Variants in DTWD2 observed in about 807,000 individuals in gnomAD.
DTWD2 encodes the protein tRNA-uridine aminocarboxypropyltransferase 2.
Under a neutral mutation model 31.8 loss-of-function variants are expected in DTWD2, and 39 were observed. The observed-to-expected ratio is 1.22, with a 90% CI of 0.95 to 1.60. DTWD2 has a LOEUF of 1.60. Ranked by LOEUF, DTWD2 falls within the 40% of genes most tolerant of loss-of-function variation. The pLI is 0.00. For synonymous variants in DTWD2, 180 were observed against 142.8 expected (o/e 1.26, Z -1.86); for missense variants, 515 against 381.5 (o/e 1.35, Z -2.92).
chr5:118,912,410 G>A lies in DTWD2; in HGVS notation c.597+16127C>T, dbSNP rs577504804. ...AAAAAAAATCCAAACTTCTTACTAA[G>A]GCCACAAGGCCCTGCATTTGGCTCA... On this transcript the variant is annotated intron_variant, in intron 4 of 5. Transcript: ENST00000510708. Among the ~76,000 whole-genome samples, 273 of 152,260 alleles carry A rather than the reference G, an allele frequency of 1.8e-3. 1 individual carries two copies. Among genetic ancestry groups the A allele is most frequent in the African/African-American group, 6.1e-3 (253 of 41,560 alleles).
At chr5:118,966,699 T>C (rs535242387) in intron 1 of DTWD2, among the ~76,000 whole-genome samples, 7 of 152,242 alleles carry the variant, frequency 4.6e-5, no homozygotes, top group African/African-American at 1.7e-4. Flanking sequence ...TCCTAGTATG[T>C]TGCTTTCCCT....
Position 118,855,054 on chromosome 5 carries a change from T to G in DTWD2, c.598-6836A>C, listed in dbSNP as rs1452254664. On this transcript the variant is annotated intron_variant, in intron 4 of 5. Coordinates refer to ENST00000510708, the MANE Select transcript of DTWD2 (RefSeq NM_173666.4). ...TGGTGGCATGCACCTGTGGTCCCAG[T>G]TACTCGGGAGTCTGAGGCAAGAGGA... 2.0e-5 allele frequency among the ~76,000 whole-genome samples: 3 copies of G among 151,300 alleles called. No homozygotes were observed. In the South Asian group the frequency reaches 6.2e-4, roughly 31 times the overall value.
At chr5:118,900,133 C>A (rs1753173348) in intron 4 of DTWD2, among the ~76,000 whole-genome samples, 1 of 152,054 alleles carries the variant, frequency 6.6e-6, no homozygotes, top group Non-Finnish European at 1.5e-5. Context: ...TGTCTGGCTT[C>A]TTTCACCAAC....
At chr5:118,860,382 TTTC>T (rs1170413710) in intron 4 of DTWD2, among the ~76,000 whole-genome samples, 2 of 151,742 alleles carry the variant, frequency 1.3e-5, no homozygotes, top group African/African-American at 4.8e-5. Flanking sequence ...ATTTTTTATA[TTTC>T]TTTTTATAAT....
chr5:118,956,917 A>G (rs1272768550), intron 1 of DTWD2, among the ~76,000 whole-genome samples: 1 of 152,218 alleles, frequency 6.6e-6, no homozygotes, highest in Non-Finnish European at 1.5e-5. Context: ...TGGAAAACTA[A>G]ATACCATAGT....
intron 1 of DTWD2, among the ~76,000 whole-genome samples, chr5:118,953,378 T>C (rs1291463695): frequency 6.6e-6 from 1 of 152,194 alleles, no homozygotes. Flanking sequence ...TTGTGAGAAG[T>C]AGTAATCAAA....
chr5:118,917,786 A>G (rs181570212), intron 4 of DTWD2, among the ~76,000 whole-genome samples: 19 of 152,138 alleles, frequency 1.2e-4, no homozygotes, highest in African/African-American at 4.3e-4. Context: ...AGAGTGACAA[A>G]CATGGTGAAA....
chr5:118,853,227 G>GTT, intron 4 of DTWD2, among the ~76,000 whole-genome samples: 1 of 152,030 alleles, frequency 6.6e-6, no homozygotes, highest in Non-Finnish European at 1.5e-5. Context: ...AGTTGAAATT[G>GTT]TTTTTTTAAG....
intron 4 of DTWD2, among the ~76,000 whole-genome samples, chr5:118,868,155 A>C (rs765806632): frequency 2.6e-5 from 4 of 152,170 alleles, no homozygotes; most frequent in Non-Finnish European, 5.9e-5. Context: ...AAGACCATTC[A>C]ATGGGAAAAG....
intron 4 of DTWD2, among the ~76,000 whole-genome samples, chr5:118,890,377 C>A (rs1051516202): frequency 3.3e-5 from 5 of 152,000 alleles, no homozygotes; most frequent in African/African-American, 1.2e-4. Context: ...TAAATTAATT[C>A]ATGTAAATTT....
intron 4 of DTWD2, among the ~76,000 whole-genome samples, chr5:118,903,556 T>A (rs1753263068): frequency 1.3e-5 from 2 of 152,002 alleles, no homozygotes; most frequent in Non-Finnish European, 2.9e-5. Context: ...AATACAAGTA[T>A]GATCTTGTCT....
chr5:118,864,908 G>A (rs1056193153), intron 4 of DTWD2, among the ~76,000 whole-genome samples: 6 of 152,018 alleles, frequency 3.9e-5, no homozygotes, highest in African/African-American at 9.7e-5. Context: ...GCCATATTGC[G>A]TATTTTCTCA....
Position 118,865,441 on chromosome 5 carries a change from TAAA to T in DTWD2, c.598-17226_598-17224del, listed in dbSNP as rs561254560. 2.0e-5 allele frequency among the ~76,000 whole-genome samples: 3 copies of T among 149,500 alleles called. No homozygotes were observed. In the East Asian group the frequency reaches 5.9e-4, roughly 29 times the overall value. ...CTATATACCAAAAATATGGTCTATG[TAAA>T]AAAAAAATAAATAAAAAGAATCATA... On this transcript the variant is annotated intron_variant, in intron 4 of 5. Transcript: ENST00000510708.
Position 118,976,802 on chromosome 5 carries a change from T to G in DTWD2, c.218+11492A>C, listed in dbSNP as rs184956758. 4.6e-5 allele frequency among the ~76,000 whole-genome samples: 7 copies of G among 152,118 alleles called. No individual in the cohort carries two copies. In the East Asian group the frequency reaches 1.4e-3, roughly 29 times the overall value. ...TTCCTTCTGAAACTATTTCAAATAATAGAAAAAGAGGGACTCCTCCCTAAC... is the reference window on the plus strand; with the variant it reads ...TTCCTTCTGAAACTATTTCAAATAAGAGAAAAAGAGGGACTCCTCCCTAAC... On this transcript the variant is annotated intron_variant, in intron 1 of 5. Coordinates refer to ENST00000510708, the MANE Select transcript of DTWD2 (RefSeq NM_173666.4).
intron 5 of DTWD2, among the ~76,000 whole-genome samples, chr5:118,844,141 T>C (rs1001371681): frequency 6.6e-6 from 1 of 152,222 alleles, no homozygotes; most frequent in African/African-American, 2.4e-5. Context: ...TGTCATCTTA[T>C]CTGATTTCAA....
In DTWD2 at chr5:118,856,764, C is replaced by CTTTTTTTT. The variant is rs68175368; in HGVS notation, c.598-8554_598-8547dup. Reference sequence around the variant, plus strand: ...TTTACCTTCACTCCATTGAGGCTTACTTTTTTTTTTTTTTTTTTTTTTTTG... The same window carrying CTTTTTTTT: ...TTTACCTTCACTCCATTGAGGCTTACTTTTTTTTTTTTTTTTTTTTTTTTTTTTTTTTG... On this transcript the variant is annotated intron_variant, in intron 4 of 5. Coordinates refer to ENST00000510708, the MANE Select transcript of DTWD2 (RefSeq NM_173666.4). Among the ~76,000 whole-genome samples, 112 of 44,340 alleles carry CTTTTTTTT rather than the reference C, an allele frequency of 2.5e-3. 2 individuals are homozygous for CTTTTTTTT. Among genetic ancestry groups the CTTTTTTTT allele is most frequent in the Non-Finnish European group, 3.2e-3 (79 of 24,972 alleles). The allele number at this position is 44,340 out of a possible 152,430, so 29.1% of individuals were successfully genotyped here.
intron 3 of DTWD2, among the ~76,000 whole-genome samples, chr5:118,936,681 A>G (rs924079175): frequency 2.0e-5 from 3 of 152,044 alleles, no homozygotes; most frequent in South Asian, 2.1e-4. Flanking sequence ...GAATGAACAA[A>G]AAGTTTTAAA....
At chr5:118,918,819 C>T (rs983786590) in intron 4 of DTWD2, among the ~76,000 whole-genome samples, 7 of 150,120 alleles carry the variant, frequency 4.7e-5, no homozygotes, top group African/African-American at 1.5e-4. Context: ...AAGACCCTGT[C>T]TCTACCAGGA....
intron 4 of DTWD2, among the ~76,000 whole-genome samples, chr5:118,893,729 G>T (rs1348944729): frequency 1.3e-5 from 2 of 151,898 alleles, no homozygotes; most frequent in African/African-American, 4.8e-5. Context: ...AAGCACGAAG[G>T]GAATCAACCC....
Sources: allele counts gnomAD v4.1 joint callset (sites outside exome capture counted in the v4.1 genomes callset), GRCh38; gene constraint gnomAD v4.1.1; transcripts MANE v1.5; gene names NCBI Gene and HGNC (gene_info 2026-07-23, HGNC 2026-07-21).